Variants in ROCK2 observed in about 807,000 individuals in gnomAD.
The protein encoded by ROCK2 is rho-associated protein kinase 2.
In ROCK2, 61 loss-of-function variants were observed where a neutral mutation model predicts 195.1. The observed-to-expected ratio is 0.31, with a 90% CI of 0.25 to 0.39. The LOEUF is 0.39. Ranked by LOEUF, ROCK2 falls within the 10% of genes least tolerant of loss-of-function variation. ROCK2 has a pLI of 1.00. For missense variants in ROCK2, 1,109 were observed against 1,637.4 expected (o/e 0.68, Z 5.57); for synonymous variants, 504 against 545.5 (o/e 0.92, Z 1.06).
upstream of ROCK2, among the ~76,000 whole-genome samples, chr2:11,345,076 C>T (rs1374638379): frequency 1.3e-5 from 2 of 152,050 alleles, no homozygotes; most frequent in East Asian, 1.9e-4. Context: ...CTATGCGGGC[C>T]TCGCCTCACC....
chr2:11,337,290 G>C (rs753746311), intron 1 of ROCK2, among the ~76,000 whole-genome samples: 4 of 149,690 alleles, frequency 2.7e-5, no homozygotes, highest in Non-Finnish European at 4.4e-5. Context: ...CCATAAGCTA[G>C]GAAAAAACAT....
At position 11,215,645 on chromosome 2, in the gene ROCK2, T is replaced by G; in HGVS notation, c.1462A>C (p.Ile488Leu). Reference protein sequence around the residue: ...EKTAKELEEEITLRKSVESAL... With the variant: ...EKTAKELEEELTLRKSVESAL... ...GATTCCACACTTTTCCGTAAGGTAATCTGAAATAATGCTTAAAGTTATTAT... is the reference window on the plus strand; with the variant it reads ...GATTCCACACTTTTCCGTAAGGTAAGCTGAAATAATGCTTAAAGTTATTAT... The change falls in exon 14 of 33, where the codon ATT becomes CTT. Residue 488 changes from isoleucine (I) to leucine (L), a missense_variant and splice_region_variant. Around this residue, in one of 6 missense-constraint regions of ROCK2, gnomAD observed 542 missense variants for 672.0 expected, o/e 0.81. Coordinates refer to ENST00000315872, the MANE Select transcript of ROCK2 (RefSeq NM_004850.5). 1 of 1,594,050 alleles carries G rather than the reference T, an allele frequency of 6.3e-7. No individual in the cohort carries two copies. Among genetic ancestry groups the G allele is most frequent in the Non-Finnish European group, 8.5e-7 (1 of 1,173,916 alleles).
At chr2:11,289,938 A>T (rs1412042000) in intron 1 of ROCK2, among the ~76,000 whole-genome samples, 1 of 152,198 alleles carries the variant, frequency 6.6e-6, no homozygotes, top group Non-Finnish European at 1.5e-5. Flanking sequence ...AAGACCAAAC[A>T]CTATCACAAT....
intron 32 of ROCK2, among the ~76,000 whole-genome samples, chr2:11,188,717 G>T (rs533855551): frequency 6.8e-6 from 1 of 147,752 alleles, no homozygotes; most frequent in East Asian, 2.3e-4. Context: ...TCCGCCTCCC[G>T]GGTTCACGCC....
In ROCK2 at chr2:11,282,607, C is replaced by CAAAAAAAAAAAAAAAAAAAAAAAAA. The variant is rs70953381; in HGVS notation, c.324+3931_324+3932insTTTTTTTTTTTTTTTTTTTTTTTTT. ...GCTGGAATAACTGAATATCTACATG[C>CAAAAAAAAAAAAAAAAAAAAAAAAA]AAAAAAAAAAAAAAGAATCAAGACC... On this transcript the variant is annotated intron_variant, in intron 3 of 32. Transcript: ENST00000315872. Among the ~76,000 whole-genome samples, 53 of 123,332 alleles carry CAAAAAAAAAAAAAAAAAAAAAAAAA rather than the reference C, an allele frequency of 4.3e-4. 2 individuals carry two copies. Among genetic ancestry groups the CAAAAAAAAAAAAAAAAAAAAAAAAA allele is most frequent in the Non-Finnish European group, 7.3e-4 (45 of 61,508 alleles). The allele number at this position is 123,332 out of a possible 152,430, so 80.9% of individuals were successfully genotyped here. A position where few individuals can be genotyped will look rare whatever the true frequency, so the allele number is the denominator to read the frequency against.
chr2:11,294,403 A>G (rs1467728862), intron 1 of ROCK2, among the ~76,000 whole-genome samples: 1 of 152,186 alleles, frequency 6.6e-6, no homozygotes, highest in Non-Finnish European at 1.5e-5. Context: ...TTTTCCTAAC[A>G]GACTGTGGAA....
intron 3 of ROCK2, among the ~76,000 whole-genome samples, chr2:11,268,683 A>G (rs1272727830): frequency 1.3e-5 from 2 of 152,186 alleles, no homozygotes; most frequent in East Asian, 3.8e-4. Flanking sequence ...TGTATGTGAC[A>G]AATCACTTCT....
At chr2:11,243,124 G>C (rs1411553529) in intron 4 of ROCK2, among the ~76,000 whole-genome samples, 3 of 152,164 alleles carry the variant, frequency 2.0e-5, no homozygotes, top group African/African-American at 7.2e-5. Context: ...GGAGTCAAGG[G>C]AAGACTGAGG....
chr2:11,337,547 G>A (rs758315273), intron 1 of ROCK2, among the ~76,000 whole-genome samples: 8 of 152,182 alleles, frequency 5.3e-5, no homozygotes, highest in South Asian at 4.2e-4. Context: ...GAGCAGTGTC[G>A]GGGAAGATGT....
At chr2:11,317,393 G>A (rs1267435214) in intron 1 of ROCK2, among the ~76,000 whole-genome samples, 2 of 150,766 alleles carry the variant, frequency 1.3e-5, no homozygotes, top group East Asian at 1.9e-4. Context: ...CTCTACCAAC[G>A]CAACTGTTAC....
In ROCK2 at chr2:11,198,662, AT is replaced by A. The variant is rs1663730362; in HGVS notation, c.3004+18del. 6.3e-7 allele frequency: 1 copy of A among 1,580,738 alleles called. No individual in the cohort carries two copies. The highest frequency in any genetic ancestry group is 8.6e-7 in the Non-Finnish European group (1 of 1,156,778). ...AACATTAGGTATATTAAAAATAAAC[AT>A]TTTTTGTTAATACATACGCTCTTGA... is the stretch of plus-strand genomic sequence containing the variant. On this transcript the variant is annotated intron_variant, in intron 24 of 32. Coordinates refer to ENST00000315872, the MANE Select transcript of ROCK2 (RefSeq NM_004850.5).
intron 5 of ROCK2, among the ~76,000 whole-genome samples, chr2:11,232,356 T>C (rs1255086893): frequency 1.3e-5 from 2 of 152,126 alleles, no homozygotes; most frequent in Non-Finnish European, 2.9e-5. Context: ...CTCGAACTCC[T>C]GGCTTCAAGC....
intron 3 of ROCK2, among the ~76,000 whole-genome samples, chr2:11,257,643 G>C (rs894490404): frequency 2.0e-5 from 3 of 151,260 alleles, no homozygotes; most frequent in African/African-American, 7.4e-5. Context: ...CGCAGATATG[G>C]AAATGTGAAT....
intron 18 of ROCK2, among the ~76,000 whole-genome samples, chr2:11,211,239 T>C (rs924903447): frequency 2.6e-5 from 4 of 152,178 alleles, no homozygotes; most frequent in Admixed American, 2.6e-4. Context: ...AGACCAGCTA[T>C]TACTTTTAAA....
intron 17 of ROCK2, 29 bp from the exon 18 acceptor site, chr2:11,211,869 A>T: frequency 6.6e-7 from 1 of 1,514,728 alleles, no homozygotes; most frequent in Non-Finnish European, 8.9e-7. Flanking sequence ...GCAGCTATCA[A>T]CAAAAAAGAG....
chr2:11,192,783 G>A lies in ROCK2; in HGVS notation c.3688-71C>T. Reference sequence around the variant, plus strand: ...TTTTTATGTAGGAACAATTCTGATAGTGTAAGTAAAATAAAATTAGCCTAA... The same window carrying A: ...TTTTTATGTAGGAACAATTCTGATAATGTAAGTAAAATAAAATTAGCCTAA... On this transcript the variant is annotated intron_variant, in intron 30 of 32. Transcript: ENST00000315872. The surrounding 1 kb of genome is among the most constrained non-coding windows in gnomAD (Gnocchi z 5.0). 2.1e-6 allele frequency: 3 copies of A among 1,459,540 alleles called. No individual in the cohort carries two copies. The highest frequency in any genetic ancestry group is 2.8e-6 in the Non-Finnish European group (3 of 1,089,366). The allele number at this position is 1,459,540 out of a possible 1,614,324, so 90.4% of individuals were successfully genotyped here.
rs1028182434 is a variant in ROCK2, at chr2:11,180,772, G to C, written c.*2665C>G. 6.6e-6 allele frequency: 1 copy of C among 152,144 alleles called. No homozygotes were observed. Among genetic ancestry groups the C allele is most frequent in the Admixed American group, 6.5e-5 (1 of 15,272 alleles). The allele number at this position is 152,144 out of a possible 1,614,324, so 9.4% of individuals were successfully genotyped here. A position where few individuals can be genotyped will look rare whatever the true frequency, so the allele number is the denominator to read the frequency against. On this transcript the variant is annotated 3_prime_UTR_variant, in exon 33 of 33. Coordinates refer to ENST00000315872, the MANE Select transcript of ROCK2 (RefSeq NM_004850.5). The stretch of plus-strand genomic sequence containing the variant: ...AAAACGAGAAACGAGCACAAAATCA[G>C]GTTGTTTTATATTTAATAAGTGTTG...
At chr2:11,194,169 G>T in intron 29 of ROCK2, 87 bp downstream of exon 29, 1 of 539,092 alleles carries the variant, frequency 1.9e-6, no homozygotes, top group Non-Finnish European at 3.2e-6. Context: ...TACAGTAGGA[G>T]CTATACTATG....
chr2:11,307,412 C>G (rs1667891177), intron 1 of ROCK2, among the ~76,000 whole-genome samples: 1 of 152,218 alleles, frequency 6.6e-6, no homozygotes, highest in African/African-American at 2.4e-5. Flanking sequence ...CTCCCAGGTT[C>G]AAGCAATTCT....
Sources: gnomAD v4.1 joint callset for allele counts (sites outside exome capture counted in the v4.1 genomes callset) on GRCh38, gnomAD v4.1.1 for gene constraint, gnomAD v4.1.1 regional missense constraint, Gnocchi (gnomAD v3.1) non-coding constraint, MANE v1.5 for transcripts, NCBI Gene and HGNC (gene_info 2026-07-23, HGNC 2026-07-21) for gene names.